The following TMEM40 variants were observed in gnomAD, a reference collection of about 807,000 sequenced individuals.
The protein encoded by TMEM40 is transmembrane protein 40.
TMEM40 carries 34 observed loss-of-function variants against 40.8 expected under a neutral mutation model. That is an observed-to-expected ratio of 0.83 (90% confidence interval 0.63 to 1.11). The LOEUF is 1.11. Ranked by LOEUF, TMEM40 falls within the 50% of genes least tolerant of loss-of-function variation. TMEM40 has a pLI of 0.00. For synonymous variants in TMEM40, 106 were observed against 107.0 expected, an observed-to-expected ratio of 0.99 and a Z score of 0.06; for missense variants, 296 against 280.2, an observed-to-expected ratio of 1.06 and a Z score of -0.40.
intron 1 of TMEM40, among the ~76,000 whole-genome samples, chr3:12,750,920 A>G (rs942088259): frequency 1.3e-5 from 2 of 152,232 alleles, no homozygotes; most frequent in Non-Finnish European, 2.9e-5. Context: ...TTGTGGGGCA[A>G]ACATCACCCC....
chr3:12,737,100 G>A (rs7635799), intron 8 of TMEM40, among the ~76,000 whole-genome samples: 6,061 of 151,668 alleles, frequency 0.04, 425 homozygotes, highest in African/African-American at 0.14. Flanking sequence ...GGCTGGTCTC[G>A]AACTCCTGGC....
intron 5 of TMEM40, among the ~76,000 whole-genome samples, chr3:12,739,899 C>T (rs1437781401): frequency 6.6e-6 from 1 of 151,280 alleles, no homozygotes; most frequent in Non-Finnish European, 1.5e-5. Flanking sequence ...TCATGACTCA[C>T]TGCAGTCTCA....
At chr3:12,761,561 A>T (rs2061568768), upstream of TMEM40, among the ~76,000 whole-genome samples, 1 of 151,830 alleles carries the variant, frequency 6.6e-6, no homozygotes, top group South Asian at 2.1e-4. Context: ...AGCAGAGATG[A>T]CACCACTGCA....
rs754041538 is a variant in TMEM40 at position 12,755,213 on chromosome 3, TTCTCTCTCTC to T, written c.-9+3968_-9+3977del. On this transcript the variant is annotated intron_variant, in intron 1 of 11. Transcript: ENST00000314124. ...TTCCTTCCTTCCTTTCTTTCTTTCT[TTCTCTCTCTC>T]TCTCTCTCTCTCTTTCTTTCTTTCT... Among the ~76,000 whole-genome samples the T allele has an allele frequency of 1.3e-3, 123 of 94,310 alleles. 3 individuals carry two copies. The highest frequency in any genetic ancestry group is 4.8e-3 in the African/African-American group (109 of 22,938). 61.9% of individuals were successfully genotyped at this position (94,310 alleles called of 152,430 possible).
At chr3:12,762,335 A>T (rs2061575236), upstream of TMEM40, among the ~76,000 whole-genome samples, 1 of 152,140 alleles carries the variant, frequency 6.6e-6, no homozygotes, top group African/African-American at 2.4e-5. Context: ...GTTACTGAAA[A>T]TTTTTTTAAA....
intron 3 of TMEM40, among the ~76,000 whole-genome samples, chr3:12,744,944 C>T (rs1327958960): frequency 6.6e-6 from 1 of 152,112 alleles, no homozygotes; most frequent in African/African-American, 2.4e-5. Flanking sequence ...TGGGTGACTT[C>T]TATTTTCTTC....
chr3:12,734,931 C>T, intron 11 of TMEM40, 138 bp from the exon 12 acceptor site: 3 of 877,824 alleles, frequency 3.4e-6, no homozygotes, highest in Non-Finnish European at 5.4e-6. Context: ...CTCAATGAAC[C>T]ACAGTCATAA....
chr3:12,752,703 C>CCCAGCTACTCA (rs2061487940), intron 1 of TMEM40, among the ~76,000 whole-genome samples: 8 of 151,848 alleles, frequency 5.3e-5, no homozygotes, highest in Admixed American at 5.2e-4. Flanking sequence ...GAGGCTGAGG[C>CCCAGCTACTCA]AGGAGAATCA....
chr3:12,749,062 T>C lies in TMEM40; in HGVS notation c.74-270A>G, dbSNP rs564551052. 2.0e-5 allele frequency among the ~76,000 whole-genome samples: 3 copies of C among 152,204 alleles called. No homozygotes were observed. In the East Asian group the frequency reaches 5.8e-4, roughly 29 times the overall value. ...TTTTTTGAGACGGAGTCTTGCTCTT[T>C]TGCCCAGGCTGGACTGCAGTGACGC... On this transcript the variant is annotated intron_variant, in intron 2 of 11. Transcript: ENST00000314124.
rs58619724 is a variant in TMEM40 at position 12,737,718 on chromosome 3, A to G, written c.461T>C (p.Ile154Thr). ...VEASQLRRLNIKKDDEFFHFV... is the reference protein window; with the variant it reads ...VEASQLRRLNTKKDDEFFHFV... ...ACCAAGTTCCTTACCATCTTTCTTT[A>G]TATTCAGTCTTCTTAACTGAGAGGC... The change falls in exon 8 of 12, where the codon ATA (isoleucine) becomes ACA (threonine). Residue 154 changes from isoleucine to threonine, a missense_variant. By Grantham distance (89) the Ile-to-Thr change is moderately conservative. Transcript: ENST00000314124. 1 of 1,614,096 alleles carries G rather than the reference A, an allele frequency of 6.2e-7. No homozygotes were observed. Among genetic ancestry groups the G allele is most frequent in the Non-Finnish European group, 8.5e-7 (1 of 1,179,964 alleles).
intron 2 of TMEM40, among the ~76,000 whole-genome samples, chr3:12,749,291 T>C (rs996081518): frequency 1.4e-4 from 21 of 152,182 alleles, no homozygotes; most frequent in African/African-American, 4.6e-4. Flanking sequence ...CCCAAAGTGC[T>C]GGGATTACAG....
Position 12,737,761 on chromosome 3 carries a change from A to G in TMEM40, c.425-7T>C, listed in dbSNP as rs779436457. 1.2e-6 allele frequency: 2 copies of G among 1,613,562 alleles called. No individual in the cohort carries two copies. Among genetic ancestry groups the G allele is most frequent in the Non-Finnish European group, 1.7e-6 (2 of 1,179,508 alleles). On this transcript the variant is annotated splice_polypyrimidine_tract_variant and splice_region_variant and intron_variant, in intron 7 of 11. Coordinates refer to ENST00000314124, the MANE Select transcript of TMEM40 (RefSeq NM_018306.4). ...TGAGAGGCCTCCACTTCTCCTTAAG[A>G]ACAAGAGAGAGATGAATATTTAACT...
At chr3:12,763,938 CAG>C (rs2061583618), upstream of TMEM40, among the ~76,000 whole-genome samples, 1 of 152,058 alleles carries the variant, frequency 6.6e-6, no homozygotes, top group Admixed American at 6.6e-5. Flanking sequence ...TTTTTTGAGA[CAG>C]AGTCTCACTC....
intron 1 of TMEM40, among the ~76,000 whole-genome samples, chr3:12,768,149 G>A (rs1156593140): frequency 6.6e-6 from 1 of 152,190 alleles, no homozygotes; most frequent in Non-Finnish European, 1.5e-5. Context: ...GACCTTCGCG[G>A]TGAGTGTTAT....
intron 3 of TMEM40, among the ~76,000 whole-genome samples, chr3:12,748,290 G>C (rs772402048): frequency 9.2e-5 from 14 of 152,200 alleles, no homozygotes; most frequent in African/African-American, 3.4e-4. Flanking sequence ...ATTTGAACCT[G>C]TAACACACGC....
intron 1 of TMEM40, among the ~76,000 whole-genome samples, chr3:12,764,878 T>C (rs1408224690): frequency 6.6e-6 from 1 of 152,154 alleles, no homozygotes; most frequent in Non-Finnish European, 1.5e-5. Context: ...GTTTTGTTTT[T>C]TGTTTTTTTT....
rs1559522262 is a variant in TMEM40 at position 12,734,667 on chromosome 3, C to A, written c.*107G>T. Reference sequence around the variant, plus strand: ...AAAAGTGTTCTGTTTATTGGTCTGGCTTGGTCTCCTGTGCGTCTCTCAGAA... The same window carrying A: ...AAAAGTGTTCTGTTTATTGGTCTGGATTGGTCTCCTGTGCGTCTCTCAGAA... On this transcript the variant is annotated 3_prime_UTR_variant, in exon 12 of 12. Coordinates refer to ENST00000314124, the MANE Select transcript of TMEM40 (RefSeq NM_018306.4). 1.6e-6 allele frequency: 2 copies of A among 1,280,636 alleles called. No individual in the cohort carries two copies. The highest frequency in any genetic ancestry group is 5.1e-5 in the East Asian group (2 of 39,488). 79.3% of individuals were successfully genotyped at this position (1,280,636 alleles called of 1,614,324 possible).
At chr3:12,749,663 G>C (rs1375370499) in intron 2 of TMEM40, 97 bp downstream of exon 2, 2 of 1,063,224 alleles carry the variant, frequency 1.9e-6, no homozygotes, top group African/African-American at 3.2e-5. Flanking sequence ...GAGGCCCTGT[G>C]CAACGTGAGT....
intron 10 of TMEM40, among the ~76,000 whole-genome samples, chr3:12,736,136 T>C (rs942820747): frequency 6.7e-6 from 1 of 148,838 alleles, no homozygotes; most frequent in Non-Finnish European, 1.5e-5. Flanking sequence ...GAAGAAAACA[T>C]GAGCATAAGG....
Sources: gnomAD v4.1 joint callset for allele counts (sites outside exome capture counted in the v4.1 genomes callset) on GRCh38, gnomAD v4.1.1 for gene constraint, MANE v1.5 for transcripts, NCBI Gene and HGNC (gene_info 2026-07-23, HGNC 2026-07-21) for gene names.